Variants in FARP1 observed in about 807,000 individuals in gnomAD.
The protein encoded by FARP1 is FERM, ARH/RhoGEF and pleckstrin domain protein 1, also known as FERM, ARHGEF and pleckstrin domain-containing protein 1.
A neutral mutation model predicts 128.8 loss-of-function variants in FARP1; 52 were observed. The ratio of observed to expected loss-of-function variants is 0.40; its 90% CI spans 0.32 to 0.51. The LOEUF (loss-of-function observed/expected upper bound fraction) is 0.51. FARP1 is among the 20% of genes least tolerant of loss of function. The pLI is 0.45. For missense variants in FARP1, 1,333 were observed against 1,367.9 expected (o/e 0.97, Z 0.40); for synonymous variants, 580 against 551.8 (o/e 1.05, Z -0.72).
intron 1 of FARP1, among the ~76,000 whole-genome samples, chr13:98,193,171 C>T (rs1172453054): frequency 2.0e-5 from 3 of 151,960 alleles, no homozygotes; most frequent in African/African-American, 7.3e-5. Context: ...GATTCTTCTG[C>T]CTCAGCCTCC....
chr13:98,394,421 C>T (rs958234514), intron 12 of FARP1, among the ~76,000 whole-genome samples: 7 of 152,246 alleles, frequency 4.6e-5, no homozygotes, highest in Admixed American at 4.6e-4. Flanking sequence ...GTCAACTTGC[C>T]TTCAGGGGTC....
intron 1 of FARP1, among the ~76,000 whole-genome samples, chr13:98,212,244 T>TG (rs1249387280): frequency 2.0e-5 from 3 of 151,886 alleles, no homozygotes; most frequent in African/African-American, 7.3e-5. Context: ...TTAGTAGAGG[T>TG]GGGGTTTCAC....
chr13:98,314,844 G>A lies in FARP1; in HGVS notation c.172-28918G>A, dbSNP rs1886653660. On this transcript the variant is annotated intron_variant, in intron 2 of 26. Transcript: ENST00000319562. ...AGGATGAGCCAATTAAGGAAGAGAG[G>A]GGCAGACCGATTGTCCTTATTGTAT... 2.0e-5 allele frequency among the ~76,000 whole-genome samples: 3 copies of A among 152,214 alleles called. 1 individual carries two copies. The highest frequency in any genetic ancestry group is 4.1e-4 in the South Asian group (2 of 4,828).
At chr13:98,241,228 G>A (rs1373572422) in intron 2 of FARP1, among the ~76,000 whole-genome samples, 2 of 152,114 alleles carry the variant, frequency 1.3e-5, no homozygotes, top group African/African-American at 2.4e-5. Context: ...TGGGTGTGGC[G>A]GGCAGAGTTC....
chr13:98,360,488 G>T (rs9513409), intron 3 of FARP1, among the ~76,000 whole-genome samples: 5 of 151,944 alleles, frequency 3.3e-5, no homozygotes, highest in African/African-American at 1.2e-4. Flanking sequence ...GGAAATGCTC[G>T]CACAGGGGAA....
chr13:98,298,234 T>C (rs1462830606), intron 2 of FARP1, among the ~76,000 whole-genome samples: 2 of 152,222 alleles, frequency 1.3e-5, no homozygotes, highest in African/African-American at 4.8e-5. Context: ...AAGGCTTGGT[T>C]ATCCCATTTT....
chr13:98,418,471 C>T (rs1395396022), intron 16 of FARP1, among the ~76,000 whole-genome samples: 2 of 152,142 alleles, frequency 1.3e-5, no homozygotes, highest in South Asian at 2.1e-4. Flanking sequence ...GAAGGGGTTT[C>T]GTCATGTTGG....
intron 2 of FARP1, among the ~76,000 whole-genome samples, chr13:98,312,435 A>G (rs1248447968): frequency 6.6e-6 from 1 of 152,158 alleles, no homozygotes; most frequent in Non-Finnish European, 1.5e-5. Context: ...CACTGCGCCC[A>G]GCCAGTAAAT....
intron 2 of FARP1, among the ~76,000 whole-genome samples, chr13:98,263,558 A>G (rs1396773492): frequency 6.6e-6 from 1 of 152,246 alleles, no homozygotes; most frequent in Admixed American, 6.5e-5. Flanking sequence ...AACGAACATA[A>G]TGAAGAAAAT....
intron 3 of FARP1, among the ~76,000 whole-genome samples, chr13:98,349,281 G>A (rs1888305759): frequency 6.6e-6 from 1 of 152,166 alleles, no homozygotes; most frequent in Admixed American, 6.5e-5. Flanking sequence ...GAGCCCAGCA[G>A]GTCTCATGGC....
chr13:98,334,064 A>G (rs1376616149), intron 2 of FARP1: 1 of 151,852 alleles, frequency 6.6e-6, no homozygotes, highest in African/African-American at 2.4e-5. Flanking sequence ...CCTTACGGTG[A>G]CCCAGTGAAG....
At chr13:98,191,800 G>A (rs181624293) in intron 1 of FARP1, among the ~76,000 whole-genome samples, 5 of 152,256 alleles carry the variant, frequency 3.3e-5, no homozygotes, top group African/African-American at 1.2e-4. Flanking sequence ...AAAGTTAGCT[G>A]GGTGTGGTGG....
chr13:98,315,711 A>G (rs1015351021), intron 2 of FARP1, among the ~76,000 whole-genome samples: 13 of 152,178 alleles, frequency 8.5e-5, no homozygotes, highest in Non-Finnish European at 4.4e-5. Flanking sequence ...CTGGAAAACA[A>G]AAGATGCAGA....
chr13:98,193,440 C>T (rs532257510), intron 1 of FARP1, among the ~76,000 whole-genome samples: 3 of 152,308 alleles, frequency 2.0e-5, no homozygotes, highest in South Asian at 2.1e-4. Flanking sequence ...TGCGTGGGAT[C>T]GTAGTCTACG....
At position 98,210,931 on chromosome 13, in the gene FARP1, A is replaced by G. The variant is rs553718173; in HGVS notation, c.-23-2289A>G. Reference sequence around the variant, plus strand: ...TTTCCACAGAAGTAGATTTTATAGCATCACCTTTTGATTTCCATTGCTGCT... The same window carrying G: ...TTTCCACAGAAGTAGATTTTATAGCGTCACCTTTTGATTTCCATTGCTGCT... On this transcript the variant is annotated intron_variant, in intron 1 of 26. Transcript: ENST00000319562. Among the ~76,000 whole-genome samples, 6 of 152,288 alleles carry G rather than the reference A, an allele frequency of 3.9e-5. 1 individual carries two copies. The highest frequency in any genetic ancestry group is 1.4e-4 in the African/African-American group (6 of 41,556).
intron 5 of FARP1, among the ~76,000 whole-genome samples, chr13:98,373,519 G>GAGACAGAC (rs1198336789): frequency 3.4e-4 from 43 of 127,270 alleles, no homozygotes; most frequent in African/African-American, 1.2e-3. Flanking sequence ...TGACTTTCCA[G>GAGACAGAC]AGACAGACAG....
intron 5 of FARP1, 105 bp from the exon 6 acceptor site, chr13:98,377,716 G>A (rs1349786860): frequency 2.7e-6 from 2 of 748,614 alleles, no homozygotes; most frequent in Non-Finnish European, 4.8e-6. Context: ...TGCAGACTTC[G>A]TGGTTGGGGT....
At chr13:98,165,715 T>TG (rs1877210032) in intron 1 of FARP1, among the ~76,000 whole-genome samples, 1 of 54,394 alleles carries the variant, frequency 1.8e-5, no homozygotes, top group Non-Finnish European at 3.7e-5. Flanking sequence ...AAGGGGTTTT[T>TG]TTTTTTTTTT....
intron 3 of FARP1, among the ~76,000 whole-genome samples, chr13:98,353,659 T>A (rs1888527281): frequency 6.6e-6 from 1 of 152,236 alleles, no homozygotes; most frequent in Non-Finnish European, 1.5e-5. Context: ...ATTATAGGCA[T>A]GAGCCACCAC....
Sources: gnomAD v4.1 joint callset for allele counts (sites outside exome capture counted in the v4.1 genomes callset) on GRCh38, gnomAD v4.1.1 for gene constraint, MANE v1.5 for transcripts, NCBI Gene and HGNC (gene_info 2026-07-23, HGNC 2026-07-21) for gene names.